HMGXB4: variants seen among roughly 807,000 people sequenced by gnomAD.
The protein encoded by HMGXB4 is HMG-box containing 4.
HMGXB4 carries 27 observed loss-of-function variants against 63.9 expected under a neutral mutation model. The ratio of observed to expected loss-of-function variants is 0.42; its 90% CI spans 0.31 to 0.58. The LOEUF (loss-of-function observed/expected upper bound fraction) is 0.58, where lower values mean the gene tolerates loss of function less well. Ranked by LOEUF, HMGXB4 falls within the 20% of genes least tolerant of loss-of-function variation. HMGXB4 has a pLI of 0.13. For synonymous variants in HMGXB4, 264 were observed against 265.3 expected (o/e 0.99, Z 0.05); for missense variants, 624 against 700.7 (o/e 0.89, Z 1.24).
intron 5 of HMGXB4, among the ~76,000 whole-genome samples, chr22:35,273,852 G>A (rs1923748107): frequency 6.6e-6 from 1 of 152,212 alleles, no homozygotes; most frequent in Non-Finnish European, 1.5e-5. Flanking sequence ...TGAGTCCTGT[G>A]ACCTCTCTGC....
the HMGXB4 span, among the ~76,000 whole-genome samples, chr22:35,250,304 C>T: frequency 1.3e-5 from 2 of 152,156 alleles, no homozygotes; most frequent in African/African-American, 2.4e-5. Flanking sequence ...AGCATAGTGT[C>T]GGCATCTGCT....
chr22:35,261,163 C>T (rs956942358), intron 1 of HMGXB4, among the ~76,000 whole-genome samples: 3 of 152,120 alleles, frequency 2.0e-5, no homozygotes, highest in Non-Finnish European at 2.9e-5. Flanking sequence ...CTTGGCTGGG[C>T]GCGGTGGCTC....
chr22:35,262,606 CAG>C (rs774905236), intron 2 of HMGXB4, among the ~76,000 whole-genome samples, 185 bp downstream of exon 2: 4 of 152,170 alleles, frequency 2.6e-5, no homozygotes, highest in Admixed American at 6.5e-5. Flanking sequence ...AAAACCAGGA[CAG>C]GGGTTCCAAC....
In HMGXB4 at chr22:35,274,180, A is replaced by C. The variant is rs550979361; in HGVS notation, c.1215+8577A>C. Among the ~76,000 whole-genome samples the C allele has an allele frequency of 2.0e-5, 3 of 152,290 alleles. No homozygotes were observed. The South Asian group carries it at 6.2e-4, about 32-fold the overall frequency. On this transcript the variant is annotated intron_variant, in intron 5 of 10. Transcript: ENST00000216106. Reference sequence around the variant, plus strand: ...TGAGAGAGTGCAAGGAAAGCCCGGAATGGCTGGCTTCCTGTGAGAGCTGTC... The same window carrying C: ...TGAGAGAGTGCAAGGAAAGCCCGGACTGGCTGGCTTCCTGTGAGAGCTGTC...
intron 2 of HMGXB4, 93 bp downstream of exon 2, chr22:35,262,514 G>T: frequency 8.1e-7 from 1 of 1,232,598 alleles, no homozygotes; most frequent in Non-Finnish European, 1.2e-6. Context: ...GGGCACCACA[G>T]CCTGGACTCC....
chr22:35,281,225 TA>T, intron 5 of HMGXB4, among the ~76,000 whole-genome samples: 1 of 152,340 alleles, frequency 6.6e-6, no homozygotes. Flanking sequence ...ATCCAATAAT[TA>T]GTATATGGTG....
At chr22:35,292,209 T>G (rs1187269938) in intron 9 of HMGXB4, among the ~76,000 whole-genome samples, 1 of 152,172 alleles carries the variant, frequency 6.6e-6, no homozygotes, top group Admixed American at 6.5e-5. Flanking sequence ...CCAAGTATAT[T>G]ATATCTATTA....
Position 35,292,989 on chromosome 22 carries a change from C to T in HMGXB4, c.1639-3C>T, listed in dbSNP as rs770071724. 6.2e-7 allele frequency: 1 copy of T among 1,614,224 alleles called. No individual in the cohort carries two copies. Among genetic ancestry groups the T allele is most frequent in the Non-Finnish European group, 8.5e-7 (1 of 1,180,022 alleles). On this transcript the variant is annotated splice_polypyrimidine_tract_variant and splice_region_variant and intron_variant, in intron 9 of 10. Coordinates refer to ENST00000216106, the MANE Select transcript of HMGXB4 (RefSeq NM_001003681.3). The stretch of plus-strand genomic sequence containing the variant: ...TCAAGCAACAACCTCCTCTCCTTTT[C>T]AGGGTATGGTGGCTGTGTCTGGCAG...
At chr22:35,292,575 A>G (rs1276803224) in intron 9 of HMGXB4, among the ~76,000 whole-genome samples, 2 of 152,262 alleles carry the variant, frequency 1.3e-5, no homozygotes, top group Non-Finnish European at 2.9e-5. Context: ...ATCAAAAGCT[A>G]CATACATGCA....
chr22:35,295,660 G>A lies in HMGXB4; in HGVS notation c.*2009G>A, dbSNP rs1925218724. ...TGGTACTATTAGAGGAAAAACTTTG[G>A]ATTCAGACCTTCTTGCAGTTTTTAT... On this transcript the variant is annotated 3_prime_UTR_variant, in exon 11 of 11. Coordinates refer to ENST00000216106, the MANE Select transcript of HMGXB4 (RefSeq NM_001003681.3). The A allele has an allele frequency of 6.6e-6, 1 of 152,400 alleles. No homozygotes were observed. Among genetic ancestry groups the A allele is most frequent in the East Asian group, 1.9e-4 (1 of 5,198 alleles). 9.4% of individuals were successfully genotyped at this position (152,400 alleles called of 1,614,324 possible).
upstream of HMGXB4, among the ~76,000 whole-genome samples, chr22:35,255,485 A>C (rs1304681332): frequency 2.0e-5 from 3 of 152,218 alleles, no homozygotes; most frequent in East Asian, 5.8e-4. Context: ...ACTGCACTCC[A>C]GCCTGGGTGA....
chr22:35,256,569 G>A (rs575831450), upstream of HMGXB4, among the ~76,000 whole-genome samples: 1 of 152,098 alleles, frequency 6.6e-6, no homozygotes, highest in East Asian at 1.9e-4. Context: ...GCGCAATCTC[G>A]GCTCACTGCA....
Position 35,283,954 on chromosome 22 carries a change from G to A in HMGXB4, c.1216-8G>A, listed in dbSNP as rs1335863390. 6.2e-7 allele frequency: 1 copy of A among 1,608,262 alleles called. No homozygotes were observed. The highest frequency in any genetic ancestry group is 8.5e-7 in the Non-Finnish European group (1 of 1,174,604). ...TCTTACCCTGTTGTATCTTCTATGC[G>A]GCATTAGCCAAAAAAGAAGAACATG... On this transcript the variant is annotated splice_region_variant and splice_polypyrimidine_tract_variant and intron_variant, in intron 5 of 10. Transcript: ENST00000216106.
At chr22:35,293,411 C>T (rs1477071883) in intron 10 of HMGXB4, among the ~76,000 whole-genome samples, 196 bp from the exon 11 acceptor site, 1 of 152,206 alleles carries the variant, frequency 6.6e-6, no homozygotes, top group East Asian at 1.9e-4. Flanking sequence ...AATTGTTTCC[C>T]TCTTTTTTAC....
At chr22:35,267,124 CTGTT>C (rs1923301833) in intron 5 of HMGXB4, among the ~76,000 whole-genome samples, 1 of 144,422 alleles carries the variant, frequency 6.9e-6, no homozygotes, top group African/African-American at 2.5e-5. Context: ...AGATCTATAT[CTGTT>C]TATCAGTATG....
At chr22:35,253,444 G>T (rs1306714305), upstream of HMGXB4, among the ~76,000 whole-genome samples, 1 of 152,194 alleles carries the variant, frequency 6.6e-6, no homozygotes, top group South Asian at 2.1e-4. Flanking sequence ...TTCACCATAG[G>T]GGACATTTAT....
In HMGXB4 at chr22:35,265,430, CT is replaced by C; in HGVS notation, c.1045del (p.Ser349LeufsTer10). 1 of 1,614,096 alleles carries C rather than the reference CT, an allele frequency of 6.2e-7. No homozygotes were observed. The highest frequency in any genetic ancestry group is 8.5e-7 in the Non-Finnish European group (1 of 1,180,012). The part of the protein sequence containing the change: ...RHSKSKRSLG[L>X]SAVPVGEVTV... ...CTCCAAGTCCAAGAGAAGTTTAGGA[CT>C]TTCTGCCGTGCCAGTGGGAGAGGTC... On this transcript the variant is annotated frameshift_variant, in exon 5 of 11. Coordinates refer to ENST00000216106, the MANE Select transcript of HMGXB4 (RefSeq NM_001003681.3). LOFTEE classifies it high-confidence loss of function.
chr22:35,275,110 CTTTTTTT>C (rs59290559), intron 5 of HMGXB4, among the ~76,000 whole-genome samples: 6,115 of 103,338 alleles, frequency 0.059, 219 homozygotes, highest in East Asian at 0.21. Flanking sequence ...CACCAAATTT[CTTTTTTT>C]TTTTTTTTTT....
intron 9 of HMGXB4, among the ~76,000 whole-genome samples, chr22:35,291,827 TAG>T (rs879885607): frequency 4.6e-5 from 7 of 152,150 alleles, no homozygotes; most frequent in Non-Finnish European, 7.3e-5. Flanking sequence ...AGTGGTAAAA[TAG>T]AGACTTGAAT....
Sources: gnomAD v4.1 joint callset for allele counts (sites outside exome capture counted in the v4.1 genomes callset) on GRCh38, gnomAD v4.1.1 for gene constraint, MANE v1.5 for transcripts, NCBI Gene and HGNC (gene_info 2026-07-23, HGNC 2026-07-21) for gene names.